Variants in CSMD1 observed in about 807,000 individuals in gnomAD.
CSMD1 encodes CUB and sushi domain-containing protein 1.
CSMD1 carries 213 observed loss-of-function variants against 417.5 expected under a neutral mutation model. The ratio of observed to expected loss-of-function variants is 0.51; its 90% CI spans 0.46 to 0.57. The LOEUF (loss-of-function observed/expected upper bound fraction) is 0.57. CSMD1 is among the 20% of genes least tolerant of loss of function. The pLI, the probability that CSMD1 is intolerant of heterozygous loss-of-function variation, is 0.00. For synonymous variants in CSMD1, 2,862 were observed against 1,736.8 expected (o/e 1.65, Z -16.11); for missense variants, 6,923 against 4,529.7 (o/e 1.53, Z -15.17).
intron 3 of CSMD1, among the ~76,000 whole-genome samples, chr8:4,130,289 A>T (rs900193567): frequency 6.6e-6 from 1 of 152,186 alleles, no homozygotes; most frequent in Non-Finnish European, 1.5e-5. Context: ...TTAGTTTAAC[A>T]TCTTTATTCT....
chr8:3,827,049 T>A (rs150280119), intron 5 of CSMD1, among the ~76,000 whole-genome samples: 133 of 152,284 alleles, frequency 8.7e-4, no homozygotes, highest in Middle Eastern at 3.4e-3. Context: ...TTTGAAGTGT[T>A]GACATTATAG....
chr8:4,794,309 AAAG>A (rs754826314), intron 1 of CSMD1, among the ~76,000 whole-genome samples: 13 of 152,120 alleles, frequency 8.5e-5, no homozygotes, highest in East Asian at 1.9e-4. Context: ...ATTTTTGTTA[AAAG>A]AAGGTCTCTG....
intron 1 of CSMD1, among the ~76,000 whole-genome samples, chr8:4,647,218 G>GC: frequency 6.6e-6 from 1 of 150,936 alleles, no homozygotes; most frequent in East Asian, 1.9e-4. Context: ...TGTTTCGGGC[G>GC]CCAGTTTGCT....
chr8:3,085,817 G>A (rs1238314191), intron 49 of CSMD1, among the ~76,000 whole-genome samples: 1 of 152,158 alleles, frequency 6.6e-6, no homozygotes, highest in Admixed American at 6.6e-5. Context: ...CCATCAGAAA[G>A]ATGGACTAGC....
chr8:4,077,892 T>A (rs982274567), intron 3 of CSMD1, among the ~76,000 whole-genome samples: 1 of 152,144 alleles, frequency 6.6e-6, no homozygotes, highest in South Asian at 2.1e-4. Flanking sequence ...ATGCCCAATA[T>A]AGCAATGTCC....
chr8:4,698,503 T>C (rs1299792869), intron 1 of CSMD1, among the ~76,000 whole-genome samples: 1 of 152,092 alleles, frequency 6.6e-6, no homozygotes, highest in East Asian at 1.9e-4. Context: ...CTCAGGTGTG[T>C]GTTAGGCCTA....
intron 5 of CSMD1, among the ~76,000 whole-genome samples, chr8:3,935,349 T>G (rs1412263230): frequency 6.6e-6 from 1 of 152,230 alleles, no homozygotes; most frequent in Non-Finnish European, 1.5e-5. Context: ...TTGTTTCACT[T>G]AAGAAATTGT....
At chr8:4,353,121 TTC>T (rs761764103) in intron 3 of CSMD1, among the ~76,000 whole-genome samples, 3 of 152,204 alleles carry the variant, frequency 2.0e-5, no homozygotes, top group Non-Finnish European at 4.4e-5. Context: ...TCGGTTTATG[TTC>T]TCTGATATGG....
At chr8:3,039,198 G>C (rs891974092) in intron 50 of CSMD1, among the ~76,000 whole-genome samples, 1 of 146,346 alleles carries the variant, frequency 6.8e-6, no homozygotes, top group African/African-American at 2.8e-5. Context: ...GCAGAGTGAA[G>C]GGTCCTGAAT....
intron 10 of CSMD1, among the ~76,000 whole-genome samples, chr8:3,551,288 A>G (rs758640683): frequency 3.0e-4 from 46 of 152,184 alleles, no homozygotes; most frequent in Non-Finnish European, 5.3e-4. Flanking sequence ...GTACTACAGG[A>G]CTGTCATATC....
intron 23 of CSMD1, among the ~76,000 whole-genome samples, chr8:3,316,971 G>T (rs757631943): frequency 1.3e-5 from 2 of 152,198 alleles, no homozygotes; most frequent in African/African-American, 4.8e-5. Context: ...GTCAGTGGAT[G>T]TGGGGAGGGG....
At chr8:4,475,335 G>C (rs2130084437) in intron 2 of CSMD1, among the ~76,000 whole-genome samples, 1 of 152,232 alleles carries the variant, frequency 6.6e-6, no homozygotes, top group East Asian at 1.9e-4. Flanking sequence ...AGCTTCATAA[G>C]ACAGAAGCAG....
chr8:4,476,771 A>G (rs1800825017), intron 2 of CSMD1, among the ~76,000 whole-genome samples: 1 of 152,148 alleles, frequency 6.6e-6, no homozygotes, highest in Non-Finnish European at 1.5e-5. Context: ...TAAGGATTAG[A>G]TGGCACAGAG....
chr8:3,453,289 G>T (rs1167320943), intron 12 of CSMD1, among the ~76,000 whole-genome samples: 1 of 151,884 alleles, frequency 6.6e-6, no homozygotes, highest in African/African-American at 2.4e-5. Context: ...TTTTTTGAAG[G>T]GTTTTTTGTG....
intron 3 of CSMD1, among the ~76,000 whole-genome samples, chr8:4,077,980 G>A (rs756303319): frequency 2.0e-5 from 3 of 151,962 alleles, no homozygotes; most frequent in South Asian, 4.1e-4. Context: ...CAGGCTCTCC[G>A]ATTCCTCTTT....
chr8:3,136,905 A>T (rs909065120), intron 41 of CSMD1, among the ~76,000 whole-genome samples: 10 of 148,706 alleles, frequency 6.7e-5, no homozygotes, highest in South Asian at 2.1e-4. Flanking sequence ...TTTTTTAAAA[A>T]TTTTTTTCTA....
chr8:4,926,258 G>C lies in CSMD1; in HGVS notation c.85+68074C>G, dbSNP rs182096737. On this transcript the variant is annotated intron_variant, in intron 1 of 69. Coordinates refer to ENST00000635120, the MANE Select transcript of CSMD1 (RefSeq NM_033225.6). ...TTCTTGTGGACACAATGAATAAATG[G>C]ATGTATCACAGAGTTAAACATGAAT... Among the ~76,000 whole-genome samples the C allele has an allele frequency of 8.1e-3, 1,235 of 152,274 alleles. 14 individuals are homozygous for C. The highest frequency in any genetic ancestry group is 0.028 in the African/African-American group (1,153 of 41,546).
intron 3 of CSMD1, among the ~76,000 whole-genome samples, chr8:4,323,971 G>C (rs138933812): frequency 0.026 from 3,969 of 152,248 alleles, 57 homozygotes; most frequent in Middle Eastern, 0.034. Context: ...AGTGCAGCCT[G>C]CTGCCTCAAG....
At chr8:3,308,566 G>GATGAAA in intron 23 of CSMD1, 63 bp from the exon 24 acceptor site, 1 of 1,345,544 alleles carries the variant, frequency 7.4e-7, no homozygotes, top group Non-Finnish European at 1.0e-6. Context: ...TTAAAACAGA[G>GATGAAA]ATGAAACAAA....
Sources: gnomAD v4.1 joint callset for allele counts (sites outside exome capture counted in the v4.1 genomes callset) on GRCh38, gnomAD v4.1.1 for gene constraint, MANE v1.5 for transcripts, NCBI Gene and HGNC (gene_info 2026-07-23, HGNC 2026-07-21) for gene names.